IKBKB-DT: variants seen among roughly 807,000 people sequenced by gnomAD.
The protein encoded by IKBKB-DT is IKBKB divergent transcript, also known as IKBKB antisense RNA.
intron 3 of IKBKB-DT, chr8:42,255,307 AT>A (rs1463064200): frequency 5.3e-5 from 8 of 152,218 alleles, no homozygotes; most frequent in African/African-American, 1.2e-4. Context: ...TTAAAAAAAA[AT>A]CATATAGGCT....
chr8:42,240,312 T>C (rs1280751536), intron 3 of IKBKB-DT, among the ~76,000 whole-genome samples: 1 of 151,888 alleles, frequency 6.6e-6, no homozygotes, highest in African/African-American at 2.4e-5. Flanking sequence ...AGCCTGTCTC[T>C]TAAGTTTATT....
At chr8:42,254,031 A>G (rs1373573013) in intron 3 of IKBKB-DT, among the ~76,000 whole-genome samples, 2 of 152,240 alleles carry the variant, frequency 1.3e-5, no homozygotes, top group African/African-American at 4.8e-5. Context: ...CAGGGCAAAT[A>G]TTTAGGCTAA....
At chr8:42,268,756 G>A (rs568128479) in intron 1 of IKBKB-DT, among the ~76,000 whole-genome samples, 4 of 151,434 alleles carry the variant, frequency 2.6e-5, no homozygotes, top group East Asian at 2.0e-4. Context: ...TCGTAGAGAC[G>A]TGGTTTCACC....
At chr8:42,239,626 ATATATATATT>A (rs1249200828) in intron 3 of IKBKB-DT, among the ~76,000 whole-genome samples, 3 of 91,864 alleles carry the variant, frequency 3.3e-5, no homozygotes, top group Admixed American at 1.3e-4. Context: ...ATATATATAT[ATATATATATT>A]TATTTATTTA....
intron 3 of IKBKB-DT, among the ~76,000 whole-genome samples, chr8:42,248,025 G>A (rs541025375): frequency 2.6e-5 from 4 of 151,788 alleles, no homozygotes; most frequent in South Asian, 2.1e-4. Context: ...CCTGGGAGGC[G>A]GAGGTTGTAG....
intron 3 of IKBKB-DT, among the ~76,000 whole-genome samples, chr8:42,240,785 G>T (rs58284695): frequency 0.036 from 5,504 of 151,922 alleles, 337 homozygotes; most frequent in African/African-American, 0.13. Context: ...GGTCAGCCTG[G>T]CCAATATGGT....
Position 42,239,634 on chromosome 8 carries a change from ATTTATT to A in IKBKB-DT, n.1530-5781_1530-5776del, listed in dbSNP as rs1370583904. On this transcript the variant is annotated intron_variant and non_coding_transcript_variant, in intron 3 of 3. Coordinates refer to ENST00000518213, the Ensembl canonical transcript of IKBKB-DT. ...GCAATTTATATATATATATATATAT[ATTTATT>A]TATTTATTCATTTTTTTTTTTTGAG... Among the ~76,000 whole-genome samples the A allele has an allele frequency of 1.0e-4, 9 of 87,408 alleles. No individual in the cohort carries two copies. In the East Asian group the frequency reaches 1.7e-3, roughly 17 times the overall value. 57.3% of individuals were successfully genotyped at this position (87,408 alleles called of 152,430 possible). A position where few individuals can be genotyped will look rare whatever the true frequency, so the allele number is the denominator to read the frequency against.
intron 3 of IKBKB-DT, among the ~76,000 whole-genome samples, chr8:42,262,572 T>G (rs947247078): frequency 3.9e-5 from 6 of 151,982 alleles, no homozygotes; most frequent in African/African-American, 1.5e-4. Flanking sequence ...CCTGAGTAGC[T>G]GGGACTACAG....
chr8:42,241,222 A>ATAT (rs1563274607), intron 3 of IKBKB-DT, among the ~76,000 whole-genome samples: 2 of 66,602 alleles, frequency 3.0e-5, no homozygotes, highest in Non-Finnish European at 6.3e-5. Flanking sequence ...ATATGTTGGA[A>ATAT]TCTTTTTTTT....
intron 3 of IKBKB-DT, among the ~76,000 whole-genome samples, chr8:42,237,090 T>TTTG (rs1554502434): frequency 7.2e-6 from 1 of 138,284 alleles, no homozygotes; most frequent in Non-Finnish European, 1.5e-5. Flanking sequence ...GTTTTTTTTT[T>TTTG]TTGTTTGTTT....
At chr8:42,264,104 G>A (rs1423863635) in intron 2 of IKBKB-DT, among the ~76,000 whole-genome samples, 3 of 150,808 alleles carry the variant, frequency 2.0e-5, no homozygotes, top group Non-Finnish European at 4.4e-5. Flanking sequence ...GAGCCACTAC[G>A]CCCAGCTGGG....
At chr8:42,266,960 G>A (rs565631690) in intron 1 of IKBKB-DT, among the ~76,000 whole-genome samples, 18 of 151,392 alleles carry the variant, frequency 1.2e-4, no homozygotes, top group East Asian at 5.8e-4. Flanking sequence ...AGGAGTAGCC[G>A]TTCTGTTATT....
At chr8:42,257,760 A>G (rs972500876) in intron 3 of IKBKB-DT, among the ~76,000 whole-genome samples, 1 of 151,914 alleles carries the variant, frequency 6.6e-6, no homozygotes, top group Admixed American at 6.6e-5. Context: ...ATAGGAGGAG[A>G]CCTTATCTCT....
chr8:42,236,772 C>T (rs557333854), intron 3 of IKBKB-DT, among the ~76,000 whole-genome samples: 6 of 152,256 alleles, frequency 3.9e-5, no homozygotes, highest in Non-Finnish European at 7.4e-5. Flanking sequence ...ACAAAGAAAT[C>T]ATAGGTCACT....
At chr8:42,258,711 G>A (rs1451713864) in intron 3 of IKBKB-DT, among the ~76,000 whole-genome samples, 8 of 151,874 alleles carry the variant, frequency 5.3e-5, no homozygotes, top group Non-Finnish European at 7.4e-5. Context: ...CTGGTGATCC[G>A]CCCGCCTCGG....
chr8:42,260,835 A>G (rs1185277163), intron 3 of IKBKB-DT, among the ~76,000 whole-genome samples: 1 of 152,170 alleles, frequency 6.6e-6, no homozygotes, highest in Non-Finnish European at 1.5e-5. Flanking sequence ...GACCAAAGCC[A>G]TAAACCTCTT....
chr8:42,250,202 G>A (rs563649796), intron 3 of IKBKB-DT, among the ~76,000 whole-genome samples: 1 of 152,224 alleles, frequency 6.6e-6, no homozygotes, highest in South Asian at 2.1e-4. Context: ...CTGCTGGTTG[G>A]TTGGTAATGC....
intron 3 of IKBKB-DT, among the ~76,000 whole-genome samples, chr8:42,260,600 G>A (rs1011138453): frequency 3.4e-5 from 5 of 147,578 alleles, no homozygotes; most frequent in South Asian, 2.1e-4. Context: ...ACTCTGGGGC[G>A]CAGAGGTTGC....
intron 1 of IKBKB-DT, among the ~76,000 whole-genome samples, chr8:42,268,147 T>TA (rs1807400403): frequency 6.6e-6 from 1 of 151,310 alleles, no homozygotes; most frequent in South Asian, 2.1e-4. Context: ...TTTTTTTTTT[T>TA]TTTTTAGATG....
Sources: gnomAD v4.1 joint callset for allele counts (sites outside exome capture counted in the v4.1 genomes callset) on GRCh38, gnomAD v4.1.1 for gene constraint, MANE v1.5 for transcripts, NCBI Gene and HGNC (gene_info 2026-07-23, HGNC 2026-07-21) for gene names.